Variants in SRPK2 observed in about 807,000 individuals in gnomAD.
SRPK2 encodes SRSF protein kinase 2.
In SRPK2, 21 loss-of-function variants were observed where a neutral mutation model predicts 90.8. The observed-to-expected ratio is 0.23, with a 90% CI of 0.16 to 0.33. The LOEUF (loss-of-function observed/expected upper bound fraction) is 0.33, where lower values mean the gene tolerates loss of function less well. Among genes scored for constraint, SRPK2 ranks in the 10% least tolerant of loss-of-function variants. The pLI, the probability that SRPK2 is intolerant of heterozygous loss-of-function variation, is 1.00. For missense variants in SRPK2, 620 were observed against 869.0 expected (o/e 0.71, Z 3.60); for synonymous variants, 288 against 311.1 (o/e 0.93, Z 0.78).
At chr7:105,176,563 G>C (rs371185383) in intron 3 of SRPK2, among the ~76,000 whole-genome samples, 61,017 of 145,468 alleles carry the variant, frequency 0.42, 14,237 homozygotes, top group Non-Finnish European at 0.53. Context: ...ATATATGTGT[G>C]TGTGTGTGTG....
chr7:105,287,271 A>G (rs1470500754), intron 2 of SRPK2, among the ~76,000 whole-genome samples: 4 of 134,108 alleles, frequency 3.0e-5, no homozygotes, highest in African/African-American at 1.1e-4. Context: ...AAAAAAAAAA[A>G]AAAAAAAAAA....
At chr7:105,312,271 C>G (rs1811790099) in intron 2 of SRPK2, among the ~76,000 whole-genome samples, 1 of 151,982 alleles carries the variant, frequency 6.6e-6, no homozygotes, top group African/African-American at 2.4e-5. Flanking sequence ...GAAACTACGT[C>G]TCTACTAAAA....
intron 2 of SRPK2, among the ~76,000 whole-genome samples, chr7:105,340,835 C>A (rs1489615900): frequency 1.3e-5 from 2 of 152,024 alleles, no homozygotes; most frequent in Non-Finnish European, 2.9e-5. Flanking sequence ...TCAAGAGAAT[C>A]AGAATTTCTT....
intron 2 of SRPK2, among the ~76,000 whole-genome samples, chr7:105,216,501 A>G (rs1329244394): frequency 6.6e-6 from 1 of 152,182 alleles, no homozygotes; most frequent in African/African-American, 2.4e-5. Flanking sequence ...AAAAAATACA[A>G]GTATTAGCAG....
chr7:105,151,038 A>C (rs1418641039), intron 7 of SRPK2, among the ~76,000 whole-genome samples: 2 of 152,200 alleles, frequency 1.3e-5, no homozygotes, highest in Non-Finnish European at 2.9e-5. Flanking sequence ...TCCCAATGAC[A>C]ATGATGCACC....
chr7:105,360,485 A>AT (rs796295627), intron 2 of SRPK2, among the ~76,000 whole-genome samples: 25 of 151,930 alleles, frequency 1.6e-4, no homozygotes, highest in African/African-American at 5.3e-4. Flanking sequence ...GGTCTTTACA[A>AT]TTTTTTTTGC....
chr7:105,188,292 A>G (rs1793844700), intron 3 of SRPK2, among the ~76,000 whole-genome samples: 1 of 152,226 alleles, frequency 6.6e-6, no homozygotes, highest in Non-Finnish European at 1.5e-5. Context: ...TCCAGAATAG[A>G]GACAAAAAGT....
intron 2 of SRPK2, among the ~76,000 whole-genome samples, chr7:105,358,738 T>A (rs1818085534): frequency 6.6e-6 from 1 of 152,090 alleles, no homozygotes; most frequent in African/African-American, 2.4e-5. Flanking sequence ...ATATTTACTA[T>A]TTGTCTTAGT....
At chr7:105,366,592 A>G (rs944710328) in intron 2 of SRPK2, among the ~76,000 whole-genome samples, 1 of 151,716 alleles carries the variant, frequency 6.6e-6, no homozygotes, top group Non-Finnish European at 1.5e-5. Context: ...GCTGATCTCA[A>G]ACTCCTGACC....
chr7:105,178,265 A>C (rs1318199089), intron 3 of SRPK2, among the ~76,000 whole-genome samples: 1 of 152,222 alleles, frequency 6.6e-6, no homozygotes, highest in Non-Finnish European at 1.5e-5. Context: ...GGACGTTTTT[A>C]AAAGCACTTA....
intron 2 of SRPK2, among the ~76,000 whole-genome samples, chr7:105,378,315 A>G (rs1268113335): frequency 6.6e-6 from 1 of 152,194 alleles, no homozygotes. Context: ...TACATAACTT[A>G]TACATACATC....
intron 3 of SRPK2, among the ~76,000 whole-genome samples, chr7:105,201,260 T>C (rs2129609467): frequency 6.6e-6 from 1 of 152,280 alleles, no homozygotes; most frequent in African/African-American, 2.4e-5. Context: ...TCACATGTAA[T>C]GCTAACTAAA....
At chr7:105,257,323 G>A (rs1055814158) in intron 2 of SRPK2, among the ~76,000 whole-genome samples, 1 of 152,160 alleles carries the variant, frequency 6.6e-6, no homozygotes, top group African/African-American at 2.4e-5. Flanking sequence ...TGTTGCTATT[G>A]TTATTATAAT....
At position 105,141,994 on chromosome 7, in the gene SRPK2, G is replaced by A. The variant is rs560200412; in HGVS notation, c.1543+14C>T. On this transcript the variant is annotated intron_variant, in intron 11 of 15. Transcript: ENST00000393651. Reference sequence around the variant, plus strand: ...GTCAGCGATGGCAGACAGTTGATGGGAAGAAACACTTACCTTTTGGCAAAT... The same window carrying A: ...GTCAGCGATGGCAGACAGTTGATGGAAAGAAACACTTACCTTTTGGCAAAT... 5 of 1,595,388 alleles carry A rather than the reference G, an allele frequency of 3.1e-6. No homozygotes were observed. The South Asian group carries it at 5.7e-5, about 18-fold the overall frequency.
At chr7:105,150,854 T>TA (rs1159083406) in intron 7 of SRPK2, among the ~76,000 whole-genome samples, 1 of 152,204 alleles carries the variant, frequency 6.6e-6, no homozygotes, top group African/African-American at 2.4e-5. Context: ...TATCTCAAGG[T>TA]AAAAATGTCA....
intron 1 of SRPK2, among the ~76,000 whole-genome samples, chr7:105,397,196 T>G (rs886463586): frequency 2.6e-4 from 40 of 151,942 alleles, no homozygotes; most frequent in Non-Finnish European, 1.5e-5. Context: ...TTTTGTATTT[T>G]TAATAGAGAC....
chr7:105,300,254 CAA>C lies in SRPK2; in HGVS notation c.71+88392_71+88393del, dbSNP rs35542004. On this transcript the variant is annotated intron_variant, in intron 2 of 15. Coordinates refer to ENST00000393651, the MANE Select transcript of SRPK2 (RefSeq NM_182692.3). ...GGCAAGAGACAGCGAGACTCCATCT[CAA>C]AAAAAAAAAAAAAAAAAAAAAAGTA... 2.7e-3 allele frequency among the ~76,000 whole-genome samples: 205 copies of C among 76,248 alleles called. 5 individuals carry two copies. The East Asian group carries it at 0.052, about 19-fold the overall frequency. 50.0% of individuals were successfully genotyped at this position (76,248 alleles called of 152,430 possible).
Position 105,301,307 on chromosome 7 carries a change from G to A in SRPK2, c.71+87341C>T, listed in dbSNP as rs555440843. On this transcript the variant is annotated intron_variant, in intron 2 of 15. Coordinates refer to ENST00000393651, the MANE Select transcript of SRPK2 (RefSeq NM_182692.3). ...AATACAAAAAAAAAAAAAAAAAGCC[G>A]CGGCTCCGGGTCCGAGCCCACAGCC... Among the ~76,000 whole-genome samples the A allele has an allele frequency of 1.9e-4, 28 of 147,458 alleles. No individual in the cohort carries two copies. In the East Asian group the frequency reaches 4.1e-3, roughly 22 times the overall value.
intron 6 of SRPK2, among the ~76,000 whole-genome samples, chr7:105,165,343 T>C (rs1000010597): frequency 3.3e-5 from 5 of 152,244 alleles, no homozygotes; most frequent in Admixed American, 6.5e-5. Flanking sequence ...GCTTGTCTTC[T>C]TCCTAGACAC....
Sources: gnomAD v4.1 joint callset for allele counts (sites outside exome capture counted in the v4.1 genomes callset) on GRCh38, gnomAD v4.1.1 for gene constraint, MANE v1.5 for transcripts, NCBI Gene and HGNC (gene_info 2026-07-23, HGNC 2026-07-21) for gene names.